Variants in P2RY14 observed in about 807,000 individuals in gnomAD.
The protein encoded by P2RY14 is purinergic receptor P2Y14.
Under a neutral mutation model 0.9 loss-of-function variants are expected in P2RY14, and 2 were observed. The ratio of observed to expected loss-of-function variants is 2.16; its 90% CI spans 0.88 to 6.79. The LOEUF (loss-of-function observed/expected upper bound fraction) is 6.79, where lower values mean the gene tolerates loss of function less well. Ranked by LOEUF, P2RY14 falls within the 30% of genes most tolerant of loss-of-function variation. P2RY14 has a pLI of 0.05. For missense variants in P2RY14, 378 were observed against 400.1 expected, an observed-to-expected ratio of 0.94 and a Z score of 0.47; for synonymous variants, 158 against 147.2, an observed-to-expected ratio of 1.07 and a Z score of -0.53.
intron 1 of P2RY14, among the ~76,000 whole-genome samples, chr3:151,262,757 T>C (rs1421806937): frequency 8.4e-6 from 1 of 119,614 alleles, no homozygotes; most frequent in Non-Finnish European, 1.9e-5. Flanking sequence ...TAATAATACC[T>C]AAGACTTACT....
chr3:151,271,164 C>T (rs1308252561), intron 1 of P2RY14, among the ~76,000 whole-genome samples: 1 of 151,918 alleles, frequency 6.6e-6, no homozygotes, highest in Non-Finnish European at 1.5e-5. Flanking sequence ...TTTCATTACT[C>T]TATAATAAAA....
At chr3:151,222,746 TAC>T (rs1306601088) in intron 1 of P2RY14, among the ~76,000 whole-genome samples, 1 of 152,244 alleles carries the variant, frequency 6.6e-6, no homozygotes, top group East Asian at 1.9e-4. Flanking sequence ...CTGGTCCATG[TAC>T]CACTCTTTGA....
chr3:151,237,797 A>G (rs528873638), intron 1 of P2RY14, among the ~76,000 whole-genome samples: 2 of 152,154 alleles, frequency 1.3e-5, no homozygotes, highest in South Asian at 2.1e-4. Flanking sequence ...TGTAGTCTTC[A>G]TTTGTACAGT....
chr3:151,241,629 T>TAC (rs554224150), intron 1 of P2RY14, among the ~76,000 whole-genome samples: 2 of 152,286 alleles, frequency 1.3e-5, no homozygotes, highest in East Asian at 3.9e-4. Context: ...TGTGTGTATA[T>TAC]ACACACACAG....
chr3:151,217,537 G>A (rs980270226), intron 2 of P2RY14, among the ~76,000 whole-genome samples: 21 of 152,158 alleles, frequency 1.4e-4, no homozygotes, highest in Admixed American at 1.0e-3. Context: ...GCTTACCTGC[G>A]CCCTTTCCCC....
intron 1 of P2RY14, among the ~76,000 whole-genome samples, chr3:151,251,852 C>A (rs1736916194): frequency 6.6e-6 from 1 of 152,160 alleles, no homozygotes; most frequent in Non-Finnish European, 1.5e-5. Context: ...TTTATTATAT[C>A]CACATGCCAC....
At chr3:151,250,346 A>G (rs755094223) in intron 1 of P2RY14, among the ~76,000 whole-genome samples, 1 of 152,166 alleles carries the variant, frequency 6.6e-6, no homozygotes, top group Non-Finnish European at 1.5e-5. Context: ...TTACATTCAC[A>G]TTGTTGTGTA....
At chr3:151,228,669 A>G (rs1052324195) in intron 1 of P2RY14, among the ~76,000 whole-genome samples, 4 of 152,152 alleles carry the variant, frequency 2.6e-5, no homozygotes, top group African/African-American at 9.7e-5. Context: ...GAGTGTATGT[A>G]TGAAGTCCAG....
intron 1 of P2RY14, among the ~76,000 whole-genome samples, chr3:151,231,915 TTATGTTTG>T (rs548597803): frequency 1.3e-5 from 2 of 152,180 alleles, no homozygotes; most frequent in Admixed American, 1.3e-4. Flanking sequence ...AAACAAAGTG[TTATGTTTG>T]TATGTTTGTA....
At chr3:151,277,206 C>G (rs1249934794) in intron 1 of P2RY14, among the ~76,000 whole-genome samples, 1 of 150,920 alleles carries the variant, frequency 6.6e-6, no homozygotes, top group Non-Finnish European at 1.5e-5. Context: ...GCCTGGCCTC[C>G]TTGTTTTTTT....
At chr3:151,263,143 G>A (rs1360455482) in intron 1 of P2RY14, among the ~76,000 whole-genome samples, 1 of 152,174 alleles carries the variant, frequency 6.6e-6, no homozygotes, top group African/African-American at 2.4e-5. Context: ...GTGCAGAGAT[G>A]GATCAACAGC....
At chr3:151,246,990 A>G (rs1253135529) in intron 1 of P2RY14, among the ~76,000 whole-genome samples, 10 of 152,246 alleles carry the variant, frequency 6.6e-5, no homozygotes, top group African/African-American at 1.9e-4. Flanking sequence ...AAAAGAAGAC[A>G]TTTATGCAGC....
intron 1 of P2RY14, among the ~76,000 whole-genome samples, chr3:151,268,825 A>T (rs950495855): frequency 1.3e-5 from 2 of 152,238 alleles, no homozygotes; most frequent in Non-Finnish European, 2.9e-5. Context: ...TAAAGGTAAA[A>T]CTAAGACCAC....
At chr3:151,227,834 G>C (rs145595257) in intron 1 of P2RY14, among the ~76,000 whole-genome samples, 2 of 151,950 alleles carry the variant, frequency 1.3e-5, no homozygotes, top group Admixed American at 1.3e-4. Context: ...TGTTTTTTTC[G>C]GTTTCAGTTC....
intron 1 of P2RY14, among the ~76,000 whole-genome samples, chr3:151,249,326 T>G (rs1736391368): frequency 6.6e-6 from 1 of 152,204 alleles, no homozygotes; most frequent in South Asian, 2.1e-4. Flanking sequence ...GAAGTATTTT[T>G]AAGTTGTAAT....
chr3:151,264,476 G>A (rs1739464185), intron 1 of P2RY14, among the ~76,000 whole-genome samples: 1 of 152,208 alleles, frequency 6.6e-6, no homozygotes, highest in South Asian at 2.1e-4. Flanking sequence ...ATTCAAACCT[G>A]AGCTTATTAG....
intron 1 of P2RY14, among the ~76,000 whole-genome samples, chr3:151,228,123 G>A (rs942543083): frequency 6.6e-6 from 1 of 152,182 alleles, no homozygotes; most frequent in African/African-American, 2.4e-5. Context: ...GTCTAGGAAT[G>A]TGAAGTGTGC....
intron 1 of P2RY14, among the ~76,000 whole-genome samples, chr3:151,250,945 TTG>T (rs1402162326): frequency 6.6e-6 from 1 of 152,184 alleles, no homozygotes; most frequent in Non-Finnish European, 1.5e-5. Flanking sequence ...CATTTGTGTG[TTG>T]TGTTTGTTCT....
At position 151,212,925 on chromosome 3, in the gene P2RY14, GAGAA is replaced by G. The variant is rs1314600076; in HGVS notation, c.*371_*374del. The G allele has an allele frequency of 1.3e-5, 2 of 154,188 alleles. No homozygotes were observed. Among genetic ancestry groups the G allele is most frequent in the Non-Finnish European group, 2.9e-5 (2 of 70,008 alleles). 9.6% of individuals were successfully genotyped at this position (154,188 alleles called of 1,614,324 possible). On this transcript the variant is annotated 3_prime_UTR_variant, in exon 3 of 3. Transcript: ENST00000309170. ...ATTACATACTAGATTCTGGTATTTAGAGAAAGAAGATGCCTGAGTGAGTTGTCTT... is the reference window on the plus strand; with the variant it reads ...ATTACATACTAGATTCTGGTATTTAGAGAAGATGCCTGAGTGAGTTGTCTT...
Sources: allele counts gnomAD v4.1 joint callset (sites outside exome capture counted in the v4.1 genomes callset), GRCh38; gene constraint gnomAD v4.1.1; transcripts MANE v1.5; gene names NCBI Gene and HGNC (gene_info 2026-07-23, HGNC 2026-07-21).